The following CENPP variants were observed in gnomAD, a reference collection of about 807,000 sequenced individuals.
CENPP encodes the protein centromere protein P.
A neutral mutation model predicts 35.6 loss-of-function variants in CENPP; 24 were observed. The observed-to-expected ratio is 0.67, with a 90% CI of 0.49 to 0.95. The LOEUF is 0.95. Ranked by LOEUF, CENPP falls within the 40% of genes least tolerant of loss-of-function variation. The pLI is 0.00. For missense variants in CENPP, 332 were observed against 345.3 expected, an observed-to-expected ratio of 0.96 and a Z score of 0.31; for synonymous variants, 120 against 125.5, an observed-to-expected ratio of 0.96 and a Z score of 0.29.
At chr9:92,415,613 CTTTTT>C in intron 5 of CENPP, 1 of 399,908 alleles carries the variant, frequency 2.5e-6, no homozygotes, top group Non-Finnish European at 4.2e-6. Flanking sequence ...ATTAGGTTTC[CTTTTT>C]ATATTAATCA....
intron 5 of CENPP, among the ~76,000 whole-genome samples, chr9:92,599,327 C>T (rs1211401367): frequency 2.0e-5 from 3 of 152,198 alleles, no homozygotes; most frequent in African/African-American, 4.8e-5. Context: ...GACAGACCTC[C>T]CCGTCCGACA....
At chr9:92,494,828 AC>A (rs1195207368) in intron 5 of CENPP, among the ~76,000 whole-genome samples, 2 of 151,968 alleles carry the variant, frequency 1.3e-5, no homozygotes, top group Admixed American at 6.6e-5. Context: ...AATCGCTTGA[AC>A]CCAGGAGGCA....
At chr9:92,504,838 A>G (rs1411941867) in intron 5 of CENPP, among the ~76,000 whole-genome samples, 1 of 152,056 alleles carries the variant, frequency 6.6e-6, no homozygotes, top group East Asian at 1.9e-4. Context: ...TGCACGGTCC[A>G]CCTCAGTGTT....
At chr9:92,572,049 C>T (rs949982619) in intron 5 of CENPP, among the ~76,000 whole-genome samples, 10 of 152,176 alleles carry the variant, frequency 6.6e-5, no homozygotes, top group Non-Finnish European at 8.8e-5. Flanking sequence ...TCCAATTTGC[C>T]AGTCTGTGCC....
intron 5 of CENPP, among the ~76,000 whole-genome samples, chr9:92,461,423 T>C (rs1470478887): frequency 2.6e-5 from 4 of 152,232 alleles, no homozygotes; most frequent in Non-Finnish European, 5.9e-5. Flanking sequence ...AGAATACATT[T>C]GGTTCTTATC....
At chr9:92,565,800 G>A (rs1251192339) in intron 5 of CENPP, among the ~76,000 whole-genome samples, 1 of 152,074 alleles carries the variant, frequency 6.6e-6, no homozygotes, top group African/African-American at 2.4e-5. Flanking sequence ...CATATGCTCA[G>A]GGAAAGGTAT....
intron 5 of CENPP, among the ~76,000 whole-genome samples, chr9:92,559,117 C>T (rs1218617910): frequency 6.6e-6 from 1 of 152,204 alleles, no homozygotes; most frequent in African/African-American, 2.4e-5. Context: ...GGATTCGCGC[C>T]CTCCCCCAGT....
intron 5 of CENPP, among the ~76,000 whole-genome samples, chr9:92,575,697 A>G (rs1385862500): frequency 6.6e-6 from 1 of 152,118 alleles, no homozygotes; most frequent in Non-Finnish European, 1.5e-5. Flanking sequence ...CTGTAATCCC[A>G]GCTACTTGTG....
intron 5 of CENPP, among the ~76,000 whole-genome samples, chr9:92,504,957 G>A (rs1007679187): frequency 6.6e-6 from 1 of 152,188 alleles, no homozygotes; most frequent in Non-Finnish European, 1.5e-5. Context: ...CATCTCTAGA[G>A]GATAATGAAG....
Position 92,475,471 on chromosome 9 carries a change from T to C in CENPP, c.564+95612T>C, listed in dbSNP as rs1055276596. Among the ~76,000 whole-genome samples, 38 of 152,226 alleles carry C rather than the reference T, an allele frequency of 2.5e-4. 1 individual carries two copies. Among genetic ancestry groups the C allele is most frequent in the Non-Finnish European group, 1.5e-5 (1 of 68,040 alleles). On this transcript the variant is annotated intron_variant, in intron 5 of 7. Coordinates refer to ENST00000375587, the MANE Select transcript of CENPP (RefSeq NM_001012267.3). ...GCACTAGAACCATAGATGACTTGTG[T>C]TTTCCTTTTTCCTTTAACTTTCATA...
chr9:92,358,090 G>A (rs528822882), intron 4 of CENPP, among the ~76,000 whole-genome samples: 1 of 149,692 alleles, frequency 6.7e-6, no homozygotes, highest in East Asian at 2.0e-4. Context: ...TCTCTTGGAT[G>A]TTTTATATTC....
At chr9:92,378,597 C>T (rs1842175533) in intron 4 of CENPP, among the ~76,000 whole-genome samples, 2 of 152,088 alleles carry the variant, frequency 1.3e-5, no homozygotes, top group South Asian at 4.2e-4. Context: ...TTAACGGAAG[C>T]ATTGGGGTGG....
Position 92,593,086 on chromosome 9 carries a change from C to T in CENPP, c.565-18228C>T, listed in dbSNP as rs890646642. The stretch of plus-strand genomic sequence containing the variant: ...GGCTTCTCTCCCACTGTGTGAGCCT[C>T]CCAGCAGCCCTGGCATCATCTGCCC... On this transcript the variant is annotated intron_variant, in intron 5 of 7. Transcript: ENST00000375587. The surrounding 1 kb of genome is among the most constrained non-coding windows in gnomAD (Gnocchi z 4.1). 2.0e-5 allele frequency among the ~76,000 whole-genome samples: 3 copies of T among 152,332 alleles called. No homozygotes were observed. The East Asian group carries it at 5.8e-4, about 29-fold the overall frequency.
intron 5 of CENPP, among the ~76,000 whole-genome samples, chr9:92,531,814 C>G (rs1848771595): frequency 1.3e-5 from 2 of 151,942 alleles, no homozygotes; most frequent in Admixed American, 6.5e-5. Flanking sequence ...TCCTTTTGTG[C>G]AGATGTGTTG....
chr9:92,538,277 T>C (rs2895219), intron 5 of CENPP, among the ~76,000 whole-genome samples: 63,748 of 152,058 alleles, frequency 0.42, 15,625 homozygotes, highest in African/African-American at 0.68. Flanking sequence ...TAGTTGTCCA[T>C]GCTATACCAG....
At chr9:92,364,225 G>T (rs1841831870) in intron 4 of CENPP, among the ~76,000 whole-genome samples, 2 of 150,910 alleles carry the variant, frequency 1.3e-5, no homozygotes, top group Admixed American at 6.6e-5. Flanking sequence ...AGAAATGGGG[G>T]TCTCACTATG....
At chr9:92,336,576 A>G (rs1191467944) in intron 2 of CENPP, among the ~76,000 whole-genome samples, 1 of 151,972 alleles carries the variant, frequency 6.6e-6, no homozygotes, top group Non-Finnish European at 1.5e-5. Context: ...TGTTCCCTTT[A>G]TCCTTGTAGA....
At chr9:92,539,647 A>G (rs1022065180) in intron 5 of CENPP, among the ~76,000 whole-genome samples, 1 of 152,076 alleles carries the variant, frequency 6.6e-6, no homozygotes, top group African/African-American at 2.4e-5. Flanking sequence ...AGGAAGATGG[A>G]GAGGATGCTA....
intron 5 of CENPP, 169 bp from the exon 6 acceptor site, chr9:92,611,145 C>A: frequency 1.6e-6 from 1 of 642,658 alleles, no homozygotes; most frequent in South Asian, 1.8e-5. Context: ...TACAGTGGGG[C>A]GGACGTGTGT....
Sources: allele counts gnomAD v4.1 joint callset (sites outside exome capture counted in the v4.1 genomes callset), GRCh38; gene constraint gnomAD v4.1.1; non-coding constraint Gnocchi (gnomAD v3.1); transcripts MANE v1.5; gene names NCBI Gene and HGNC (gene_info 2026-07-23, HGNC 2026-07-21).